CSGALNACT1: variants seen among roughly 807,000 people sequenced by gnomAD.
The protein encoded by CSGALNACT1 is beta4GalNAcT-1.
Under a neutral mutation model 51.0 loss-of-function variants are expected in CSGALNACT1, and 52 were observed. The observed-to-expected ratio is 1.02, with a 90% CI of 0.82 to 1.29. The LOEUF is 1.29. CSGALNACT1 is among the 50% of genes most tolerant of loss of function. CSGALNACT1 has a pLI of 0.00. For missense variants in CSGALNACT1, 935 were observed against 679.2 expected (o/e 1.38, Z -4.19); for synonymous variants, 341 against 254.4 (o/e 1.34, Z -3.24).
At chr8:19,411,381 C>T (rs1048606601) in intron 8 of CSGALNACT1, among the ~76,000 whole-genome samples, 2 of 152,200 alleles carry the variant, frequency 1.3e-5, no homozygotes, top group Admixed American at 6.5e-5. Flanking sequence ...TTCTTGTTCA[C>T]GACTACATCT....
intron 1 of CSGALNACT1, among the ~76,000 whole-genome samples, chr8:19,669,210 G>T (rs2059603956): frequency 6.6e-6 from 1 of 152,170 alleles, no homozygotes; most frequent in Admixed American, 6.5e-5. Context: ...GAGTAGATTT[G>T]CAAATGCAAG....
exon 4 of CSGALNACT1, chr8:19,505,956 C>T: frequency 1.8e-6 from 2 of 1,116,600 alleles, no homozygotes; most frequent in Non-Finnish European, 2.6e-6. Flanking sequence ...CTGCTTGCAT[C>T]CATTTCCTTC....
intron 1 of CSGALNACT1, among the ~76,000 whole-genome samples, chr8:19,744,502 C>T (rs2064522938): frequency 6.6e-6 from 1 of 152,174 alleles, no homozygotes; most frequent in Non-Finnish European, 1.5e-5. Flanking sequence ...TTATTACCTT[C>T]AAGAACACGT....
chr8:19,407,617 G>A (rs1300136376), intron 9 of CSGALNACT1, among the ~76,000 whole-genome samples: 2 of 152,174 alleles, frequency 1.3e-5, no homozygotes, highest in African/African-American at 4.8e-5. Flanking sequence ...CTTACCTGCT[G>A]TGAGGCCTGG....
chr8:19,618,784 C>T (rs1328843921), intron 1 of CSGALNACT1, among the ~76,000 whole-genome samples: 1 of 152,114 alleles, frequency 6.6e-6, no homozygotes, highest in African/African-American at 2.4e-5. Context: ...CCGGGGCTAG[C>T]ACTTTCTCCA....
chr8:19,654,302 T>A lies in CSGALNACT1; in HGVS notation c.-544+28171A>T, dbSNP rs115876664. On this transcript the variant is annotated intron_variant, in intron 1 of 9. Coordinates refer to the CSGALNACT1 transcript ENST00000332246. The stretch of plus-strand genomic sequence containing the variant: ...TTAGCATGGTAACAAGCTTTGAATT[T>A]CAAATAGGAAGGGAAGGAGTTCCAA... Among the ~76,000 whole-genome samples the A allele has an allele frequency of 3.3e-4, 51 of 152,324 alleles. 1 individual carries two copies. The highest frequency in any genetic ancestry group is 1.2e-3 in the African/African-American group (50 of 41,576).
intron 1 of CSGALNACT1, among the ~76,000 whole-genome samples, chr8:19,745,491 GT>G (rs2064596267): frequency 6.6e-6 from 1 of 152,186 alleles, no homozygotes; most frequent in Non-Finnish European, 1.5e-5. Flanking sequence ...ATCTTACCAA[GT>G]GTTTCCAGGA....
intron 5 of CSGALNACT1, among the ~76,000 whole-genome samples, chr8:19,445,187 T>C (rs996975481): frequency 1.3e-5 from 2 of 152,182 alleles, no homozygotes; most frequent in African/African-American, 4.8e-5. Flanking sequence ...TGAAATCCTC[T>C]GTACATAAAA....
At chr8:19,662,060 CCCCA>C (rs1202430957) in intron 1 of CSGALNACT1, among the ~76,000 whole-genome samples, 1 of 33,982 alleles carries the variant, frequency 2.9e-5, no homozygotes, top group South Asian at 1.4e-3. Context: ...TTACAGTTGC[CCCCA>C]CCCCCCCCCA....
intron 5 of CSGALNACT1, among the ~76,000 whole-genome samples, chr8:19,456,611 C>G (rs1352049268): frequency 6.6e-6 from 1 of 152,182 alleles, no homozygotes; most frequent in Non-Finnish European, 1.5e-5. Context: ...AGAGCAAAAA[C>G]ACTAAAAGAA....
chr8:19,590,289 A>G (rs978513760), intron 3 of CSGALNACT1, among the ~76,000 whole-genome samples: 2 of 152,238 alleles, frequency 1.3e-5, no homozygotes, highest in Non-Finnish European at 2.9e-5. Flanking sequence ...TCACAGAGGC[A>G]CTTTGAGATA....
intron 4 of CSGALNACT1, among the ~76,000 whole-genome samples, chr8:19,487,399 G>A (rs775320719): frequency 1.3e-5 from 2 of 152,174 alleles, no homozygotes; most frequent in Non-Finnish European, 2.9e-5. Flanking sequence ...AGGATGCCCA[G>A]TGTCCATGAC....
chr8:19,665,827 C>T (rs144638985), intron 1 of CSGALNACT1, among the ~76,000 whole-genome samples: 3 of 152,216 alleles, frequency 2.0e-5, no homozygotes, highest in Admixed American at 6.5e-5. Context: ...TTCTTCGCTA[C>T]GTAAACAGAA....
chr8:19,483,583 T>C (rs1359636662), intron 4 of CSGALNACT1, among the ~76,000 whole-genome samples: 1 of 152,192 alleles, frequency 6.6e-6, no homozygotes, highest in African/African-American at 2.4e-5. Context: ...AATATCTTCC[T>C]CCAGGGATCA....
intron 5 of CSGALNACT1, among the ~76,000 whole-genome samples, chr8:19,457,078 T>C (rs557704926): frequency 2.6e-5 from 4 of 152,326 alleles, no homozygotes; most frequent in African/African-American, 9.6e-5. Flanking sequence ...GGCAGCTTCC[T>C]GGTGCACACA....
chr8:19,486,707 C>A (rs893324093), intron 4 of CSGALNACT1, among the ~76,000 whole-genome samples: 2 of 152,174 alleles, frequency 1.3e-5, no homozygotes, highest in Non-Finnish European at 2.9e-5. Flanking sequence ...TTATCGTCCA[C>A]TGAAGCCCCC....
intron 1 of CSGALNACT1, among the ~76,000 whole-genome samples, chr8:19,702,988 T>C (rs771699658): frequency 2.6e-5 from 4 of 152,008 alleles, no homozygotes; most frequent in Non-Finnish European, 5.9e-5. Context: ...TCCCTTTATA[T>C]CTCATCTGAT....
At chr8:19,692,025 T>C (rs977913972) in intron 1 of CSGALNACT1, among the ~76,000 whole-genome samples, 4 of 150,798 alleles carry the variant, frequency 2.7e-5, no homozygotes, top group African/African-American at 9.8e-5. Flanking sequence ...AACAAACACA[T>C]AGTTCTTCGC....
intron 1 of CSGALNACT1, among the ~76,000 whole-genome samples, chr8:19,666,999 GAA>G (rs1427911438): frequency 2.7e-4 from 7 of 26,054 alleles, no homozygotes; most frequent in African/African-American, 4.5e-4. Flanking sequence ...AAGAAAGAAA[GAA>G]AGAAAGAAAG....
Sources: gnomAD v4.1 joint callset for allele counts (sites outside exome capture counted in the v4.1 genomes callset) on GRCh38, gnomAD v4.1.1 for gene constraint, MANE v1.5 for transcripts, NCBI Gene and HGNC (gene_info 2026-07-23, HGNC 2026-07-21) for gene names.